PRELID2: variants seen among roughly 807,000 people sequenced by gnomAD.
The protein encoded by PRELID2 is PRELI domain-containing protein 2.
Under a neutral mutation model 28.4 loss-of-function variants are expected in PRELID2, and 25 were observed. The observed-to-expected ratio is 0.88, with a 90% CI of 0.64 to 1.23. PRELID2 has a LOEUF of 1.23. Among genes scored for constraint, PRELID2 ranks in the 50% most tolerant of loss-of-function variants. PRELID2 has a pLI of 0.00. For missense variants in PRELID2, 201 were observed against 214.4 expected, an observed-to-expected ratio of 0.94 and a Z score of 0.39; for synonymous variants, 76 against 71.6, an observed-to-expected ratio of 1.06 and a Z score of -0.31.
chr5:145,591,117 G>A (rs1178953786), intron 1 of PRELID2, among the ~76,000 whole-genome samples: 4 of 151,882 alleles, frequency 2.6e-5, no homozygotes, highest in African/African-American at 4.8e-5. Flanking sequence ...GCAACATGGC[G>A]AGACCCTGTC....
At chr5:145,534,839 T>C (rs1278581987) in intron 1 of PRELID2, among the ~76,000 whole-genome samples, 1 of 151,990 alleles carries the variant, frequency 6.6e-6, no homozygotes, top group Non-Finnish European at 1.5e-5. Context: ...GACAAAATAC[T>C]TCCAGACTGT....
chr5:145,387,810 T>C, the PRELID2 span, among the ~76,000 whole-genome samples: 110 of 152,060 alleles, frequency 7.2e-4, 1 homozygote, highest in African/African-American at 2.5e-3. Flanking sequence ...AGCACACCTG[T>C]AGTCCCAGCT....
At chr5:145,311,540 C>A in the PRELID2 span, among the ~76,000 whole-genome samples, 1 of 152,078 alleles carries the variant, frequency 6.6e-6, no homozygotes, top group African/African-American at 2.4e-5. Flanking sequence ...CAGGGCATGG[C>A]CTTGATTTTT....
chr5:145,545,013 C>G (rs75728399), intron 1 of PRELID2, among the ~76,000 whole-genome samples: 1 of 152,190 alleles, frequency 6.6e-6, no homozygotes, highest in South Asian at 2.1e-4. Context: ...TTTGCAAGTA[C>G]AAGTTCAATT....
intron 1 of PRELID2, among the ~76,000 whole-genome samples, chr5:145,589,083 G>A (rs1053304643): frequency 6.6e-6 from 1 of 152,132 alleles, no homozygotes; most frequent in Non-Finnish European, 1.5e-5. Context: ...TAAATAAAAT[G>A]TAGCAATTTT....
At chr5:145,419,871 A>G in the PRELID2 span, among the ~76,000 whole-genome samples, 2 of 151,910 alleles carry the variant, frequency 1.3e-5, no homozygotes, top group Middle Eastern at 3.4e-3. Flanking sequence ...TAGGTCTAAC[A>G]TTTAACTCTT....
chr5:145,741,921 C>G (rs182057637), intron 1 of PRELID2, among the ~76,000 whole-genome samples: 2 of 101,278 alleles, frequency 2.0e-5, no homozygotes, highest in Non-Finnish European at 3.6e-5. Flanking sequence ...TATAAATAAA[C>G]AAATAAATTT....
At chr5:145,470,432 G>A (rs1018708932), downstream of PRELID2, among the ~76,000 whole-genome samples, 17 of 152,006 alleles carry the variant, frequency 1.1e-4, no homozygotes, top group African/African-American at 2.4e-4. Context: ...AACATTTACC[G>A]AATACTTACT....
At chr5:145,601,051 G>A (rs752902097) in intron 1 of PRELID2, among the ~76,000 whole-genome samples, 1 of 152,096 alleles carries the variant, frequency 6.6e-6, no homozygotes, top group East Asian at 1.9e-4. Context: ...AACTACTGGG[G>A]AGACTGAGGT....
At chr5:145,368,878 C>A in the PRELID2 span, among the ~76,000 whole-genome samples, 1 of 151,138 alleles carries the variant, frequency 6.6e-6, no homozygotes, top group Non-Finnish European at 1.5e-5. Flanking sequence ...GCTAGTGTTA[C>A]GGAGGGGTTG....
At chr5:145,488,201 G>T (rs899356706) in intron 1 of PRELID2, among the ~76,000 whole-genome samples, 2 of 152,050 alleles carry the variant, frequency 1.3e-5, no homozygotes, top group South Asian at 2.1e-4. Flanking sequence ...ATTTGGAGAC[G>T]GGGTGCTGGG....
At chr5:145,417,472 T>G in the PRELID2 span, among the ~76,000 whole-genome samples, 2 of 152,126 alleles carry the variant, frequency 1.3e-5, no homozygotes, top group Non-Finnish European at 2.9e-5. Flanking sequence ...CCAATATCCT[T>G]GATGAACCTC....
At chr5:145,299,628 CAT>C in the PRELID2 span, among the ~76,000 whole-genome samples, 3 of 134,246 alleles carry the variant, frequency 2.2e-5, no homozygotes, top group Admixed American at 7.6e-5. Context: ...GAGACCACTA[CAT>C]ATATATGTGT....
intron 1 of PRELID2, among the ~76,000 whole-genome samples, chr5:145,700,775 A>G (rs1452926452): frequency 1.3e-5 from 2 of 152,162 alleles, no homozygotes; most frequent in Admixed American, 1.3e-4. Flanking sequence ...GTAGCTCACA[A>G]ATACCAATAT....
At chr5:145,296,989 T>C in the PRELID2 span, among the ~76,000 whole-genome samples, 2 of 152,128 alleles carry the variant, frequency 1.3e-5, no homozygotes, top group African/African-American at 4.8e-5. Context: ...ATAAATGTCT[T>C]CTTTTGAGAA....
intron 1 of PRELID2, among the ~76,000 whole-genome samples, chr5:145,558,233 T>A (rs1359293703): frequency 6.6e-6 from 1 of 152,204 alleles, no homozygotes; most frequent in East Asian, 1.9e-4. Flanking sequence ...AAGTCATTAG[T>A]ACAGAACTAA....
chr5:145,269,458 C>A, the PRELID2 span, among the ~76,000 whole-genome samples: 7 of 151,816 alleles, frequency 4.6e-5, no homozygotes, highest in East Asian at 1.9e-4. Context: ...AACAAACAAC[C>A]CTTACCATAC....
intron 1 of PRELID2, among the ~76,000 whole-genome samples, chr5:145,480,569 G>A (rs1228208637): frequency 1.3e-5 from 2 of 150,888 alleles, no homozygotes; most frequent in Non-Finnish European, 2.9e-5. Flanking sequence ...ACATTTTGTG[G>A]CTTGAAAAAT....
the PRELID2 span, among the ~76,000 whole-genome samples, chr5:145,241,414 T>C: frequency 6.6e-6 from 1 of 152,020 alleles, no homozygotes; most frequent in Non-Finnish European, 1.5e-5. Flanking sequence ...ACCAACCACA[T>C]GCAACCATCA....
Sources: allele counts gnomAD v4.1 joint callset (sites outside exome capture counted in the v4.1 genomes callset), GRCh38; gene constraint gnomAD v4.1.1; transcripts MANE v1.5; gene names NCBI Gene and HGNC (gene_info 2026-07-23, HGNC 2026-07-21).